TLL2: variants seen among roughly 807,000 people sequenced by gnomAD.
TLL2 encodes tolloid-like protein 2.
Under a neutral mutation model 123.0 loss-of-function variants are expected in TLL2, and 106 were observed. The ratio of observed to expected loss-of-function variants is 0.86; its 90% CI spans 0.74 to 1.01. The LOEUF (loss-of-function observed/expected upper bound fraction) is 1.01, where lower values mean the gene tolerates loss of function less well. Ranked by LOEUF, TLL2 falls within the 50% of genes least tolerant of loss-of-function variation. The pLI is 0.00. For synonymous variants in TLL2, 494 were observed against 516.8 expected, an observed-to-expected ratio of 0.96 and a Z score of 0.60; for missense variants, 1,332 against 1,336.7, an observed-to-expected ratio of 1.00 and a Z score of 0.06.
chr10:96,383,160 C>T (rs899153377), intron 16 of TLL2, among the ~76,000 whole-genome samples: 1 of 152,154 alleles, frequency 6.6e-6, no homozygotes, highest in African/African-American at 2.4e-5. Context: ...AGGCAGTGTC[C>T]AGCACCACAT....
chr10:96,455,822 G>A (rs1049605745), intron 2 of TLL2, among the ~76,000 whole-genome samples: 11 of 152,192 alleles, frequency 7.2e-5, no homozygotes, highest in African/African-American at 2.4e-4. Flanking sequence ...TAATAAACTT[G>A]GTTTCACTTT....
intron 9 of TLL2, among the ~76,000 whole-genome samples, chr10:96,409,791 T>C (rs897523940): frequency 6.6e-6 from 1 of 152,168 alleles, no homozygotes; most frequent in African/African-American, 2.4e-5. Flanking sequence ...TCCACACAGC[T>C]CTGAGCCCAT....
At position 96,403,902 on chromosome 10, in the gene TLL2, A is replaced by G. The variant is rs552388688; in HGVS notation, c.1267+1330T>C. 2.0e-3 allele frequency among the ~76,000 whole-genome samples: 311 copies of G among 152,218 alleles called. 1 individual carries two copies. The highest frequency in any genetic ancestry group is 2.7e-3 in the Non-Finnish European group (187 of 68,000). On this transcript the variant is annotated intron_variant, in intron 10 of 20. Coordinates refer to ENST00000357947, the MANE Select transcript of TLL2 (RefSeq NM_012465.4). ...ATGCTGCCTTGTTATTCTTTACTCC[A>G]CTGAGATATTTGGGTGGAGAGAAAC...
rs115386885 is a variant in TLL2, at chr10:96,397,568, T to G, written c.1268-266A>C. 5.3e-3 allele frequency among the ~76,000 whole-genome samples: 807 copies of G among 152,252 alleles called. 14 individuals are homozygous for G. The highest frequency in any genetic ancestry group is 0.018 in the African/African-American group (756 of 41,540). ...TATCCAGAGAAGAGCCCAGGCAGCC[T>G]CTCCCCTGCCGAGGGGTGTTGCTGA... is the stretch of plus-strand genomic sequence containing the variant. On this transcript the variant is annotated intron_variant, in intron 10 of 20. Transcript: ENST00000357947.
intron 2 of TLL2, among the ~76,000 whole-genome samples, chr10:96,459,249 CAAG>C (rs1231961269): frequency 1.3e-5 from 2 of 151,952 alleles, no homozygotes; most frequent in African/African-American, 4.8e-5. Context: ...TCAAATTCAT[CAAG>C]AAGAATAAAT....
At chr10:96,413,130 C>T (rs964221234) in intron 8 of TLL2, 62 bp downstream of exon 8, 21 of 1,596,932 alleles carry the variant, frequency 1.3e-5, no homozygotes, top group Non-Finnish European at 1.5e-5. Context: ...GTTTTCCCAG[C>T]ATAGGGACTG....
intron 1 of TLL2, 25 bp downstream of exon 1, chr10:96,513,486 G>T: frequency 6.2e-7 from 1 of 1,611,520 alleles, no homozygotes; most frequent in South Asian, 1.1e-5. Context: ...AACTTCTGCG[G>T]GACTTCCCCA....
At chr10:96,503,310 C>T (rs550844677) in intron 1 of TLL2, among the ~76,000 whole-genome samples, 37 of 152,208 alleles carry the variant, frequency 2.4e-4, no homozygotes, top group African/African-American at 8.9e-4. Flanking sequence ...AGCAGAAGAG[C>T]CAGCAGTTAA....
At chr10:96,382,119 C>T (rs535338105) in intron 16 of TLL2, among the ~76,000 whole-genome samples, 4 of 152,270 alleles carry the variant, frequency 2.6e-5, no homozygotes, top group South Asian at 2.1e-4. Context: ...CCAACCTCTG[C>T]CTCCCTGGCT....
intron 2 of TLL2, among the ~76,000 whole-genome samples, chr10:96,477,991 C>G (rs1847276842): frequency 6.6e-6 from 1 of 152,256 alleles, no homozygotes; most frequent in Admixed American, 6.5e-5. Context: ...TCAGCTCTAT[C>G]AGCTCACTGG....
intron 3 of TLL2, among the ~76,000 whole-genome samples, chr10:96,440,299 G>C (rs919088271): frequency 6.6e-6 from 1 of 152,122 alleles, no homozygotes; most frequent in Admixed American, 6.5e-5. Flanking sequence ...CCTGACTGGT[G>C]GTGAGCATTC....
chr10:96,510,317 CCAGA>C (rs1349129311), intron 1 of TLL2, among the ~76,000 whole-genome samples: 1 of 152,140 alleles, frequency 6.6e-6, no homozygotes, highest in Non-Finnish European at 1.5e-5. Context: ...CTATGGATGA[CCAGA>C]CAGAGAACAC....
chr10:96,420,371 G>T (rs1390524308), intron 7 of TLL2, among the ~76,000 whole-genome samples: 1 of 152,204 alleles, frequency 6.6e-6, no homozygotes, highest in Non-Finnish European at 1.5e-5. Flanking sequence ...CCCTGCCCAT[G>T]CCAGCCATAA....
At chr10:96,436,824 C>A (rs1407823516) in intron 3 of TLL2, among the ~76,000 whole-genome samples, 1 of 151,746 alleles carries the variant, frequency 6.6e-6, no homozygotes, top group Non-Finnish European at 1.5e-5. Context: ...TAGCTGGGAC[C>A]ACAGGCATAT....
intron 15 of TLL2, among the ~76,000 whole-genome samples, chr10:96,385,629 C>T (rs986531241): frequency 6.6e-6 from 1 of 152,220 alleles, no homozygotes; most frequent in Admixed American, 6.5e-5. Context: ...CTGTAGGGTG[C>T]TGCCTGGACC....
At chr10:96,499,313 A>G (rs1194032200) in intron 1 of TLL2, among the ~76,000 whole-genome samples, 8 of 152,124 alleles carry the variant, frequency 5.3e-5, no homozygotes, top group Admixed American at 1.3e-4. Flanking sequence ...CTCTCTTAAG[A>G]AGTCAGAATT....
rs1335885270 is a variant in TLL2 at position 96,368,188 on chromosome 10, A to G, written c.2948T>C (p.Leu983Pro). 3.1e-6 allele frequency: 5 copies of G among 1,614,080 alleles called. No homozygotes were observed. The African/African-American group carries it at 5.3e-5, about 17-fold the overall frequency. Residue 983 changes from leucine (L) to proline (P), a missense_variant, in exon 21 of 21, where the codon CTG becomes CCG. Transcript: ENST00000357947. ...LEEIYSAGDS[L>P]MIRFRTDDTI... The stretch of plus-strand genomic sequence containing the variant: ...GTCATCTGTGCGGAATCGAATCATC[A>G]GGGAATCACCTGCAGAGTAGATTTC...
At chr10:96,400,079 C>T (rs1004832129) in intron 10 of TLL2, among the ~76,000 whole-genome samples, 1 of 152,220 alleles carries the variant, frequency 6.6e-6, no homozygotes, top group African/African-American at 2.4e-5. Context: ...ACTGATGTCT[C>T]AGTGTTCTCA....
At chr10:96,507,650 C>A (rs537211065) in intron 1 of TLL2, among the ~76,000 whole-genome samples, 1 of 152,274 alleles carries the variant, frequency 6.6e-6, no homozygotes, top group South Asian at 2.1e-4. Context: ...TTATAGCAAT[C>A]CTGAAAAGTG....
Sources: gnomAD v4.1 joint callset for allele counts (sites outside exome capture counted in the v4.1 genomes callset) on GRCh38, gnomAD v4.1.1 for gene constraint, MANE v1.5 for transcripts, NCBI Gene and HGNC (gene_info 2026-07-23, HGNC 2026-07-21) for gene names.